SRGAP1: variants seen among roughly 807,000 people sequenced by gnomAD.
SRGAP1 encodes the protein SLIT-ROBO Rho GTPase-activating protein 1.
A neutral mutation model predicts 121.9 loss-of-function variants in SRGAP1; 43 were observed. The ratio of observed to expected loss-of-function variants is 0.35; its 90% CI spans 0.28 to 0.46. The LOEUF (loss-of-function observed/expected upper bound fraction) is 0.46, where lower values mean the gene tolerates loss of function less well. Ranked by LOEUF, SRGAP1 falls within the 20% of genes least tolerant of loss-of-function variation. The probability of loss-of-function intolerance (pLI) is 1.00; values close to 1 mark genes in which losing one functional copy is unlikely to be tolerated. For synonymous variants in SRGAP1, 447 were observed against 485.4 expected (o/e 0.92, Z 1.04); for missense variants, 1,102 against 1,350.9 (o/e 0.82, Z 2.89).
chr12:64,023,488 C>T (rs1259632728), intron 4 of SRGAP1, among the ~76,000 whole-genome samples: 1 of 152,156 alleles, frequency 6.6e-6, no homozygotes, highest in Non-Finnish European at 1.5e-5. Flanking sequence ...CCCTTTATTA[C>T]TATTTCTTTA....
intron 17 of SRGAP1, among the ~76,000 whole-genome samples, chr12:64,114,331 CTTTTTTTTTTTTTTT>C (rs957049187): frequency 1.1e-3 from 98 of 89,256 alleles, no homozygotes; most frequent in Non-Finnish European, 1.6e-3. Flanking sequence ...ATATGGTTAG[CTTTTTTTTTTTTTTT>C]TTTTTTTTTT....
intron 1 of SRGAP1, among the ~76,000 whole-genome samples, chr12:63,908,715 T>C (rs1256608652): frequency 6.6e-6 from 1 of 152,044 alleles, no homozygotes. Context: ...TTAAAGTTTT[T>C]TCTAGTTACT....
chr12:63,899,186 A>G (rs1268407042), intron 1 of SRGAP1, among the ~76,000 whole-genome samples: 1 of 152,160 alleles, frequency 6.6e-6, no homozygotes, highest in African/African-American at 2.4e-5. Context: ...ATTTGAAACC[A>G]GCCAGGGCAA....
At chr12:63,919,307 C>T (rs985210140) in intron 1 of SRGAP1, among the ~76,000 whole-genome samples, 1 of 152,074 alleles carries the variant, frequency 6.6e-6, no homozygotes, top group African/African-American at 2.4e-5. Flanking sequence ...ATCCACCTGC[C>T]TTGGCCTCCC....
intron 18 of SRGAP1, among the ~76,000 whole-genome samples, chr12:64,117,681 G>A (rs1374715071): frequency 6.6e-6 from 1 of 152,116 alleles, no homozygotes; most frequent in Non-Finnish European, 1.5e-5. Context: ...TAGGTACAGT[G>A]TTATACAGCA....
At chr12:63,884,231 C>T (rs1180778555) in intron 1 of SRGAP1, among the ~76,000 whole-genome samples, 1 of 151,914 alleles carries the variant, frequency 6.6e-6, no homozygotes, top group Non-Finnish European at 1.5e-5. Flanking sequence ...TGTAGTGAGC[C>T]GAGATCATGC....
chr12:63,908,984 G>A (rs2030360496), intron 1 of SRGAP1, among the ~76,000 whole-genome samples: 2 of 151,994 alleles, frequency 1.3e-5, no homozygotes, highest in African/African-American at 4.8e-5. Context: ...TCTGCCTCCT[G>A]GGTTCAAGTG....
intron 1 of SRGAP1, among the ~76,000 whole-genome samples, chr12:63,917,241 T>G (rs1408835569): frequency 6.6e-6 from 1 of 152,214 alleles, no homozygotes; most frequent in East Asian, 1.9e-4. Flanking sequence ...ATTATTGTTA[T>G]GATGAGTAAT....
intron 1 of SRGAP1, among the ~76,000 whole-genome samples, chr12:63,894,669 T>C (rs1012850702): frequency 1.3e-5 from 2 of 152,164 alleles, no homozygotes; most frequent in Non-Finnish European, 2.9e-5. Flanking sequence ...CCCCTTCTTG[T>C]GTCCATGTGT....
intron 1 of SRGAP1, among the ~76,000 whole-genome samples, chr12:63,932,410 A>G (rs1017222924): frequency 2.6e-4 from 39 of 152,210 alleles, no homozygotes; most frequent in Admixed American, 3.9e-4. Context: ...TTAGATTTGC[A>G]AAAAAGGCCA....
chr12:64,050,818 A>AGG (rs1288048649), intron 6 of SRGAP1, among the ~76,000 whole-genome samples: 1 of 152,106 alleles, frequency 6.6e-6, no homozygotes, highest in East Asian at 1.9e-4. Flanking sequence ...TCCACCTCCC[A>AGG]GGTTCAAGCA....
At chr12:64,055,404 G>A (rs538853318) in intron 6 of SRGAP1, among the ~76,000 whole-genome samples, 22 of 151,604 alleles carry the variant, frequency 1.5e-4, no homozygotes, top group South Asian at 1.3e-3. Flanking sequence ...GGAAGAATCA[G>A]TATCGTGAAA....
chr12:63,874,328 C>T (rs1008926775), intron 1 of SRGAP1, among the ~76,000 whole-genome samples: 7 of 151,722 alleles, frequency 4.6e-5, no homozygotes, highest in African/African-American at 1.7e-4. Context: ...GTCATCCTCC[C>T]GAGTAGCTGG....
rs1379216236 is a variant in SRGAP1 at position 64,139,819 on chromosome 12, G to A, written c.2881-2476G>A. Reference sequence around the variant, plus strand: ...TTTTAGACATGAAGTCCTTGCCCATGCCTATGTCCTGAATAATAATGCCTA... The same window carrying A: ...TTTTAGACATGAAGTCCTTGCCCATACCTATGTCCTGAATAATAATGCCTA... On this transcript the variant is annotated intron_variant, in intron 21 of 21. Coordinates refer to ENST00000355086, the MANE Select transcript of SRGAP1 (RefSeq NM_020762.4). Among the ~76,000 whole-genome samples the A allele has an allele frequency of 4.6e-5, 7 of 152,228 alleles. No homozygotes were observed. The South Asian group carries it at 1.5e-3, about 32-fold the overall frequency.
intron 1 of SRGAP1, among the ~76,000 whole-genome samples, chr12:63,858,736 G>A (rs1899339991): frequency 6.6e-6 from 1 of 151,942 alleles, no homozygotes; most frequent in South Asian, 2.1e-4. Context: ...ATGGAGTTTC[G>A]CTCTTGTTGC....
At chr12:63,919,968 T>A (rs530981053) in intron 1 of SRGAP1, among the ~76,000 whole-genome samples, 25 of 152,348 alleles carry the variant, frequency 1.6e-4, no homozygotes, top group African/African-American at 5.8e-4. Flanking sequence ...AACATTTTCA[T>A]GTGTTCCTAT....
chr12:64,041,497 G>A (rs7980240), intron 4 of SRGAP1, among the ~76,000 whole-genome samples: 35,572 of 151,278 alleles, frequency 0.24, 4,468 homozygotes, highest in Non-Finnish European at 0.28. Context: ...CAATCCCCTC[G>A]CCCCAGCCTC....
At chr12:64,016,911 A>C in intron 3 of SRGAP1, 39 bp from the exon 4 acceptor site, 4 of 1,154,466 alleles carry the variant, frequency 3.5e-6, no homozygotes, top group Non-Finnish European at 5.0e-6. Context: ...TTAAGATGTA[A>C]ATAATTTTAA....
rs2037146888 is a variant in SRGAP1 at position 64,154,284 on chromosome 12, T to C, written c.*11612T>C. ...TTAAGATAGTAAATTTTATACTATGTAATTTTTTAACCACAATTTTAAACA... is the reference window on the plus strand; with the variant it reads ...TTAAGATAGTAAATTTTATACTATGCAATTTTTTAACCACAATTTTAAACA... On this transcript the variant is annotated 3_prime_UTR_variant, in exon 22 of 22. Coordinates refer to ENST00000355086, the MANE Select transcript of SRGAP1 (RefSeq NM_020762.4). 1 of 152,224 alleles carries C rather than the reference T, an allele frequency of 6.6e-6. No individual in the cohort carries two copies. The highest frequency in any genetic ancestry group is 2.1e-4 in the South Asian group (1 of 4,828). 9.4% of individuals were successfully genotyped at this position (152,224 alleles called of 1,614,324 possible).
Sources: allele counts gnomAD v4.1 joint callset (sites outside exome capture counted in the v4.1 genomes callset), GRCh38; gene constraint gnomAD v4.1.1; transcripts MANE v1.5; gene names NCBI Gene and HGNC (gene_info 2026-07-23, HGNC 2026-07-21).